PRH1: variants seen among roughly 807,000 people sequenced by gnomAD.
The protein encoded by PRH1 is proline rich protein HaeIII subfamily 1.
A neutral mutation model predicts 7.9 loss-of-function variants in PRH1; 7 were observed. The observed-to-expected ratio is 0.89, with a 90% CI of 0.50 to 1.67. The LOEUF (loss-of-function observed/expected upper bound fraction) is 1.67, where lower values mean the gene tolerates loss of function less well. PRH1 is among the 40% of genes most tolerant of loss of function. The pLI, the probability that PRH1 is intolerant of heterozygous loss-of-function variation, is 0.00. For synonymous variants in PRH1, 45 were observed against 80.8 expected (o/e 0.56, Z 2.38); for missense variants, 109 against 223.6 (o/e 0.49, Z 3.27).
chr12:10,909,463 C>T (rs977983101), intron 2 of PRH1: 2 of 599,114 alleles, frequency 3.3e-6, no homozygotes, highest in Admixed American at 6.3e-5. Context: ...CTAAAGTTTG[C>T]TGATCGATCT....
chr12:10,936,903 G>T (rs1265735317), intron 2 of PRH1, among the ~76,000 whole-genome samples: 1 of 152,038 alleles, frequency 6.6e-6, no homozygotes, highest in Non-Finnish European at 1.5e-5. Flanking sequence ...AAGCAGATTG[G>T]TTATTAGCAT....
At chr12:11,108,857 G>A (rs1461827285) in intron 1 of PRH1, among the ~76,000 whole-genome samples, 1 of 152,200 alleles carries the variant, frequency 6.6e-6, no homozygotes, top group East Asian at 1.9e-4. Flanking sequence ...AAGCCAGGAA[G>A]CCAAGTTGTC....
At chr12:11,040,984 T>C (rs1284908054) in intron 1 of PRH1, among the ~76,000 whole-genome samples, 1 of 151,814 alleles carries the variant, frequency 6.6e-6, no homozygotes, top group Non-Finnish European at 1.5e-5. Flanking sequence ...AGAAACTATA[T>C]CATATCACCA....
intron 2 of PRH1, among the ~76,000 whole-genome samples, chr12:10,955,804 A>G (rs923338453): frequency 1.3e-5 from 2 of 152,168 alleles, no homozygotes; most frequent in African/African-American, 4.8e-5. Context: ...CAACACCTCT[A>G]TGCCCACAAG....
In PRH1 at chr12:10,899,261, G is replaced by T. The variant is rs184272347; in HGVS notation, c.-58-14986C>A. Among the ~76,000 whole-genome samples, 40 of 143,100 alleles carry T rather than the reference G, an allele frequency of 2.8e-4. No homozygotes were observed. In the East Asian group the frequency reaches 8.5e-3, roughly 30 times the overall value. The allele number at this position is 143,100 out of a possible 152,430, so 93.9% of individuals were successfully genotyped here. ...ACGTGTTAAGAATTGGGGGACTATT[G>T]TTGGGATGGAAAGATTACATTTTTT... On this transcript the variant is annotated intron_variant, in intron 2 of 3. Coordinates refer to the PRH1 transcript ENST00000539853.
chr12:10,898,455 T>C (rs934869621), intron 2 of PRH1, among the ~76,000 whole-genome samples: 1 of 152,072 alleles, frequency 6.6e-6, no homozygotes, highest in African/African-American at 2.4e-5. Context: ...TTCAGGAAAA[T>C]ATTATATGCT....
At chr12:10,901,637 T>C (rs1949725002) in intron 2 of PRH1, among the ~76,000 whole-genome samples, 1 of 152,090 alleles carries the variant, frequency 6.6e-6, no homozygotes, top group Non-Finnish European at 1.5e-5. Context: ...TATATAACCA[T>C]CACATTGTCC....
intron 1 of PRH1, among the ~76,000 whole-genome samples, chr12:11,074,085 C>CTG (rs367960399): frequency 0.35 from 37,908 of 107,180 alleles, 9,917 homozygotes; most frequent in Non-Finnish European, 0.44. Context: ...ATTCCCTTGA[C>CTG]TCTCTCCTGT....
At chr12:11,144,671 G>A (rs1946811005) in intron 1 of PRH1, among the ~76,000 whole-genome samples, 1 of 152,196 alleles carries the variant, frequency 6.6e-6, no homozygotes, top group Admixed American at 6.5e-5. Flanking sequence ...TGCCTGGGGG[G>A]TTTTACCCCC....
At chr12:10,909,074 T>A (rs1409679171) in intron 2 of PRH1, 1 of 1,613,448 alleles carries the variant, frequency 6.2e-7, no homozygotes. Flanking sequence ...CAGACACAAA[T>A]ATGGCTAGAT....
chr12:11,020,387 T>TATATATATAGATATAG (rs1941555268), intron 1 of PRH1, among the ~76,000 whole-genome samples: 1 of 148,906 alleles, frequency 6.7e-6, no homozygotes, highest in Non-Finnish European at 1.5e-5. Flanking sequence ...TATATATATA[T>TATATATATAGATATAG]ATATGTCTAT....
intron 1 of PRH1, among the ~76,000 whole-genome samples, chr12:11,136,454 T>A (rs1430335268): frequency 6.6e-6 from 1 of 152,228 alleles, no homozygotes; most frequent in East Asian, 1.9e-4. Context: ...TATCATTTGA[T>A]GCAATTCCTC....
At chr12:10,935,579 C>T (rs1950275114) in intron 2 of PRH1, among the ~76,000 whole-genome samples, 1 of 152,074 alleles carries the variant, frequency 6.6e-6, no homozygotes, top group South Asian at 2.1e-4. Context: ...CTCCTCTACT[C>T]AGTAATACCC....
At chr12:11,116,159 A>G (rs141573543), downstream of PRH1, among the ~76,000 whole-genome samples, 598 of 152,200 alleles carry the variant, frequency 3.9e-3, 1 homozygote, top group African/African-American at 0.014. Flanking sequence ...AGGCCGACCA[A>G]GAAAAAAAGA....
At chr12:11,088,222 T>C (rs369480350) in intron 1 of PRH1, among the ~76,000 whole-genome samples, 1 of 127,740 alleles carries the variant, frequency 7.8e-6, no homozygotes, top group Admixed American at 7.9e-5. Context: ...GCCCCTGCAG[T>C]CCCAGCTGCT....
At chr12:11,055,265 A>C (rs2708386) in intron 1 of PRH1, among the ~76,000 whole-genome samples, 69,016 of 151,574 alleles carry the variant, frequency 0.46, 16,506 homozygotes, top group Non-Finnish European at 0.53. Flanking sequence ...AATATCAAAT[A>C]AGTATATAAG....
At chr12:10,966,524 C>T (rs950364289) in intron 2 of PRH1, among the ~76,000 whole-genome samples, 2 of 152,162 alleles carry the variant, frequency 1.3e-5, no homozygotes, top group African/African-American at 4.8e-5. Context: ...TTGTCCTTGC[C>T]TGATCCAGCC....
chr12:11,074,389 C>G (rs1469650862), intron 1 of PRH1, among the ~76,000 whole-genome samples: 12 of 146,450 alleles, frequency 8.2e-5, no homozygotes, highest in Admixed American at 6.9e-5. Context: ...AAGTGGCCAC[C>G]TGAGCATCCT....
In PRH1 at chr12:11,100,513, G is replaced by C. The variant is rs1185955270; in HGVS notation, n.124-53325C>G. 2.0e-5 allele frequency among the ~76,000 whole-genome samples: 3 copies of C among 152,152 alleles called. No individual in the cohort carries two copies. The East Asian group carries it at 5.8e-4, about 29-fold the overall frequency. ...CTCAAAATGTCATTTCAATTAATAA[G>C]ACAAAGTATCTCCACCACAGCTCCA... On this transcript the variant is annotated intron_variant and non_coding_transcript_variant, in intron 1 of 4. Coordinates refer to the PRH1 transcript ENST00000541977.
Sources: allele counts gnomAD v4.1 joint callset (sites outside exome capture counted in the v4.1 genomes callset), GRCh38; gene constraint gnomAD v4.1.1; transcripts MANE v1.5; gene names NCBI Gene and HGNC (gene_info 2026-07-23, HGNC 2026-07-21).